Variants in TYW1B observed in about 807,000 individuals in gnomAD.
TYW1B encodes the protein tRNA-yW synthesizing protein 1 homolog B, also known as S-adenosyl-L-methionine-dependent tRNA 4-demethylwyosine synthase TYW1B.
A neutral mutation model predicts 86.9 loss-of-function variants in TYW1B; 73 were observed. The ratio of observed to expected loss-of-function variants is 0.84; its 90% CI spans 0.70 to 1.02. TYW1B has a LOEUF of 1.02. Ranked by LOEUF, TYW1B falls within the 50% of genes least tolerant of loss-of-function variation. The pLI is 0.00. For synonymous variants in TYW1B, 248 were observed against 292.8 expected (o/e 0.85, Z 1.56); for missense variants, 637 against 827.4 (o/e 0.77, Z 2.82).
chr7:72,593,047 A>G, intron 13 of TYW1B, among the ~76,000 whole-genome samples: 1 of 152,202 alleles, frequency 6.6e-6, no homozygotes, highest in East Asian at 1.9e-4. Flanking sequence ...TCACACCTGT[A>G]ATCCCAGCAC....
At chr7:72,671,251 T>G (rs1303914438) in intron 11 of TYW1B, among the ~76,000 whole-genome samples, 2 of 152,158 alleles carry the variant, frequency 1.3e-5, no homozygotes. Flanking sequence ...AGTTGTCCTT[T>G]TTAAAAATAA....
At chr7:72,583,255 C>A (rs1423251026) in intron 13 of TYW1B, among the ~76,000 whole-genome samples, 2 of 152,266 alleles carry the variant, frequency 1.3e-5, no homozygotes, top group East Asian at 3.9e-4. Flanking sequence ...GAGGCTGAAG[C>A]ATGAGAACTG....
intron 11 of TYW1B, among the ~76,000 whole-genome samples, chr7:72,664,321 G>A (rs1813409145): frequency 6.6e-6 from 1 of 150,804 alleles, no homozygotes; most frequent in Non-Finnish European, 1.5e-5. Flanking sequence ...ATTTCCATAG[G>A]CTTATTTTGC....
rs1042062591 is a variant in TYW1B, at chr7:72,761,710, G to A, written c.964+15706C>T. Among the ~76,000 whole-genome samples, 156 of 151,864 alleles carry A rather than the reference G, an allele frequency of 1.0e-3. 2 individuals are homozygous for A. The highest frequency in any genetic ancestry group is 2.1e-4 in the South Asian group (1 of 4,814). ...TGGATATGGAAAGAAATAGAATACC[G>A]AAAGGGAGAGAGAGAGATGTGAAAA... On this transcript the variant is annotated intron_variant, in intron 7 of 13. Transcript: ENST00000620995.
In TYW1B at chr7:72,608,229, T is replaced by C. The variant is rs572984064; in HGVS notation, c.1785+8443A>G. 1.1e-4 allele frequency among the ~76,000 whole-genome samples: 16 copies of C among 152,288 alleles called. No individual in the cohort carries two copies. The South Asian group carries it at 3.3e-3, about 32-fold the overall frequency. On this transcript the variant is annotated intron_variant, in intron 13 of 13. Coordinates refer to ENST00000620995, the MANE Select transcript of TYW1B (RefSeq NM_001145440.3). ...AAGATTCCAAAGGAAACTTGGACCA[T>C]CTGGAAGAAAGAAAGAACAACAGAA... is the stretch of plus-strand genomic sequence containing the variant.
intron 11 of TYW1B, among the ~76,000 whole-genome samples, chr7:72,632,376 T>TTATATATATATACGTATATATATATAA (rs559879811): frequency 3.1e-5 from 3 of 96,246 alleles, no homozygotes; most frequent in African/African-American, 1.4e-4. Flanking sequence ...CGCATATATA[T>TTATATATATATACGTATATATATATAA]TATATATATA....
rs192716708 is a variant in TYW1B at position 72,650,136 on chromosome 7, G to C, written c.1507-21139C>G. On this transcript the variant is annotated intron_variant, in intron 11 of 13. Transcript: ENST00000620995. Reference sequence around the variant, plus strand: ...TCACCGTGTTAGCCAGGATGGTCTCGATCTCCTGAACTCGTGATCCACCCA... The same window carrying C: ...TCACCGTGTTAGCCAGGATGGTCTCCATCTCCTGAACTCGTGATCCACCCA... 1.2e-3 allele frequency among the ~76,000 whole-genome samples: 172 copies of C among 148,558 alleles called. 1 individual carries two copies. The highest frequency in any genetic ancestry group is 1.2e-3 in the Non-Finnish European group (83 of 67,634).
rs782639827 is a variant in TYW1B, at chr7:72,698,645, C to CA, written c.1371-3824dup. On this transcript the variant is annotated intron_variant, in intron 10 of 13. Coordinates refer to ENST00000620995, the MANE Select transcript of TYW1B (RefSeq NM_001145440.3). The stretch of plus-strand genomic sequence containing the variant: ...TGGGCAACAGAGCAAGACTCCATCT[C>CA]AAAAAAAAAAAAAAAGAAAGAAAGA... 1.2e-3 allele frequency among the ~76,000 whole-genome samples: 157 copies of CA among 129,896 alleles called. 2 individuals carry two copies. Among genetic ancestry groups the CA allele is most frequent in the East Asian group, 6.3e-3 (28 of 4,474 alleles). The allele number at this position is 129,896 out of a possible 152,430, so 85.2% of individuals were successfully genotyped here. A position where few individuals can be genotyped will look rare whatever the true frequency, so the allele number is the denominator to read the frequency against.
chr7:72,615,016 C>T (rs1355486532), intron 13 of TYW1B, among the ~76,000 whole-genome samples: 1 of 152,216 alleles, frequency 6.6e-6, no homozygotes, highest in Non-Finnish European at 1.5e-5. Context: ...GTCACCTAGT[C>T]AACAAGTGGC....
At chr7:72,670,105 T>C (rs1421339117) in intron 11 of TYW1B, among the ~76,000 whole-genome samples, 1 of 152,150 alleles carries the variant, frequency 6.6e-6, no homozygotes, top group East Asian at 1.9e-4. Flanking sequence ...CACTCCAGCC[T>C]GGGTGACAGA....
intron 7 of TYW1B, among the ~76,000 whole-genome samples, chr7:72,755,612 C>T (rs1171667436): frequency 1.3e-5 from 2 of 152,128 alleles, no homozygotes; most frequent in East Asian, 3.9e-4. Flanking sequence ...TGCAGTGAGC[C>T]GAGATCGTGC....
chr7:72,607,757 G>A (rs3015883), intron 13 of TYW1B, among the ~76,000 whole-genome samples: 1 of 151,978 alleles, frequency 6.6e-6, no homozygotes, highest in Non-Finnish European at 1.5e-5. Flanking sequence ...TCTAAAAAGA[G>A]AAGAGAAATA....
chr7:72,823,492 C>A (rs542999410), intron 2 of TYW1B, among the ~76,000 whole-genome samples: 1 of 151,748 alleles, frequency 6.6e-6, no homozygotes. Flanking sequence ...TAGTGGTGGG[C>A]GCCTATAGTC....
chr7:72,757,761 G>C (rs181002755), intron 7 of TYW1B, among the ~76,000 whole-genome samples: 61 of 152,254 alleles, frequency 4.0e-4, no homozygotes, highest in African/African-American at 1.3e-3. Context: ...TTCTACAAAA[G>C]CCACAACCTT....
At chr7:72,730,930 C>CA (rs71071907) in intron 8 of TYW1B, among the ~76,000 whole-genome samples, 1,735 of 112,292 alleles carry the variant, frequency 0.015, 14 homozygotes, top group Non-Finnish European at 0.018. Context: ...GATTAAATGC[C>CA]AAAAAAAAAA....
intron 3 of TYW1B, among the ~76,000 whole-genome samples, chr7:72,815,050 C>T (rs1307244384): frequency 7.4e-6 from 1 of 134,548 alleles, no homozygotes; most frequent in Non-Finnish European, 1.5e-5. Flanking sequence ...GCCTGGGTGA[C>T]ACAGTGAGAC....
chr7:72,665,585 T>C (rs1813442929), intron 11 of TYW1B, among the ~76,000 whole-genome samples: 1 of 152,236 alleles, frequency 6.6e-6, no homozygotes. Flanking sequence ...CCTGTAATTG[T>C]AGTTTTGAAT....
At chr7:72,726,080 A>G (rs1786993267) in intron 9 of TYW1B, among the ~76,000 whole-genome samples, 1 of 152,218 alleles carries the variant, frequency 6.6e-6, no homozygotes, top group Non-Finnish European at 1.5e-5. Flanking sequence ...GTCAAATTCC[A>G]GATGTGGAGC....
chr7:72,658,499 T>C (rs1256938121), intron 11 of TYW1B, among the ~76,000 whole-genome samples: 2 of 152,168 alleles, frequency 1.3e-5, no homozygotes, highest in Non-Finnish European at 1.5e-5. Flanking sequence ...AAATTATAAA[T>C]AGATACTCCT....
Sources: gnomAD v4.1 joint callset for allele counts (sites outside exome capture counted in the v4.1 genomes callset) on GRCh38, gnomAD v4.1.1 for gene constraint, MANE v1.5 for transcripts, NCBI Gene and HGNC (gene_info 2026-07-23, HGNC 2026-07-21) for gene names.